Variants in FOXK1 observed in about 807,000 individuals in gnomAD.
The protein encoded by FOXK1 is forkhead box K1.
In FOXK1, 19 loss-of-function variants were observed where a neutral mutation model predicts 51.9. That is an observed-to-expected ratio of 0.37 (90% confidence interval 0.26 to 0.54). The LOEUF (loss-of-function observed/expected upper bound fraction) is 0.54, where lower values mean the gene tolerates loss of function less well. Ranked by LOEUF, FOXK1 falls within the 20% of genes least tolerant of loss-of-function variation. The pLI, the probability that FOXK1 is intolerant of heterozygous loss-of-function variation, is 0.87. For synonymous variants in FOXK1, 537 were observed against 482.6 expected (o/e 1.11, Z -1.48); for missense variants, 870 against 1,032.7 (o/e 0.84, Z 2.16).
chr7:4,738,116 C>G (rs112029737), intron 1 of FOXK1, among the ~76,000 whole-genome samples: 62 of 145,176 alleles, frequency 4.3e-4, no homozygotes, highest in African/African-American at 1.4e-3. Context: ...GAGCCAAACT[C>G]TGCCTCAAAA....
chr7:4,768,780 A>C lies in FOXK1; in HGVS notation c.*6316A>C, dbSNP rs1287723993. On this transcript the variant is annotated 3_prime_UTR_variant, in exon 9 of 9. Coordinates refer to ENST00000328914, the MANE Select transcript of FOXK1 (RefSeq NM_001037165.2). Reference sequence around the variant, plus strand: ...GAGTGGTGAGGAGGATTCGTCTCTGACTGATGAACCTCGCCGTGCCTGTCT... The same window carrying C: ...GAGTGGTGAGGAGGATTCGTCTCTGCCTGATGAACCTCGCCGTGCCTGTCT... The C allele has an allele frequency of 6.6e-6, 1 of 152,174 alleles. No individual in the cohort carries two copies. The highest frequency in any genetic ancestry group is 2.4e-5 in the African/African-American group (1 of 41,414). 9.4% of individuals were successfully genotyped at this position (152,174 alleles called of 1,614,324 possible).
chr7:4,736,604 G>A (rs1273559063), intron 1 of FOXK1, among the ~76,000 whole-genome samples: 1 of 151,920 alleles, frequency 6.6e-6, no homozygotes, highest in African/African-American at 2.4e-5. Context: ...AGTAGAGAGG[G>A]GGGTTTTGCC....
chr7:4,685,554 A>G (rs1427946418), intron 1 of FOXK1, among the ~76,000 whole-genome samples: 1 of 150,520 alleles, frequency 6.6e-6, no homozygotes, highest in Admixed American at 6.6e-5. Flanking sequence ...TAATTTTAGA[A>G]AACTTACACC....
chr7:4,728,550 G>A (rs1226387111), intron 1 of FOXK1, among the ~76,000 whole-genome samples: 1 of 152,070 alleles, frequency 6.6e-6, no homozygotes, highest in African/African-American at 2.4e-5. Flanking sequence ...TGGGAGCCAC[G>A]TGCTGTGGGG....
intron 1 of FOXK1, among the ~76,000 whole-genome samples, chr7:4,740,630 TA>T: frequency 6.6e-6 from 1 of 151,824 alleles, no homozygotes; most frequent in East Asian, 1.9e-4. Context: ...TAAAATAAAA[TA>T]AAGAAATAGA....
chr7:4,700,594 T>G (rs1780008787), intron 1 of FOXK1, among the ~76,000 whole-genome samples: 1 of 152,040 alleles, frequency 6.6e-6, no homozygotes, highest in South Asian at 2.1e-4. Context: ...GGTGGGAGGA[T>G]CGCTTGAAGC....
In FOXK1 at chr7:4,768,000, G is replaced by A. The variant is rs1583217059; in HGVS notation, c.*5536G>A. On this transcript the variant is annotated 3_prime_UTR_variant, in exon 9 of 9. Transcript: ENST00000328914. The surrounding 1 kb of genome is among the most constrained non-coding windows in gnomAD (Gnocchi z 6.6). The stretch of plus-strand genomic sequence containing the variant: ...TTAGAGCTGCTGCGTCCTTTCCTCT[G>A]TCCTCCCTGTCACCCAAACCCCGAA... 6.6e-6 allele frequency: 1 copy of A among 151,930 alleles called. No homozygotes were observed. The highest frequency in any genetic ancestry group is 2.4e-5 in the African/African-American group (1 of 41,440). The allele number at this position is 151,930 out of a possible 1,614,324, so 9.4% of individuals were successfully genotyped here.
chr7:4,766,386 C>G lies in FOXK1; in HGVS notation c.*3922C>G, dbSNP rs899246694. 5.3e-5 allele frequency: 8 copies of G among 152,318 alleles called. 1 individual carries two copies. In the East Asian group the frequency reaches 1.5e-3, roughly 29 times the overall value. 9.4% of individuals were successfully genotyped at this position (152,318 alleles called of 1,614,324 possible). A position where few individuals can be genotyped will look rare whatever the true frequency, so the allele number is the denominator to read the frequency against. On this transcript the variant is annotated 3_prime_UTR_variant, in exon 9 of 9. Coordinates refer to ENST00000328914, the MANE Select transcript of FOXK1 (RefSeq NM_001037165.2). The surrounding 1 kb of genome is among the most constrained non-coding windows in gnomAD (Gnocchi z 5.5). The stretch of plus-strand genomic sequence containing the variant: ...CCCTCCAGGCAGTGCTGGGAAGACA[C>G]TGGTGGCGGGGACCATGACCAGGCG...
intron 1 of FOXK1, among the ~76,000 whole-genome samples, chr7:4,732,732 A>C (rs1352983791): frequency 6.6e-6 from 1 of 152,232 alleles, no homozygotes; most frequent in East Asian, 1.9e-4. Flanking sequence ...CTGAGCTGCT[A>C]TTCACTGAGT....
At position 4,707,664 on chromosome 7, in the gene FOXK1, C is replaced by T. The variant is rs903070833; in HGVS notation, c.560+24796C>T. On this transcript the variant is annotated intron_variant, in intron 1 of 8. Coordinates refer to ENST00000328914, the MANE Select transcript of FOXK1 (RefSeq NM_001037165.2). This position sits in a 1 kb window ranked among gnomAD's most constrained non-coding sequence, Gnocchi z 4.1. The stretch of plus-strand genomic sequence containing the variant: ...CGGTGCCATTCGTATCTGATTCATG[C>T]GTGTGCGACCAGTACTCCATTTCAC... Among the ~76,000 whole-genome samples, 1 of 150,972 alleles carries T rather than the reference C, an allele frequency of 6.6e-6. No homozygotes were observed. The highest frequency in any genetic ancestry group is 1.5e-5 in the Non-Finnish European group (1 of 67,922).
rs575781678 is a variant in FOXK1, at chr7:4,751,075, C to T, written c.747-3384C>T. Among the ~76,000 whole-genome samples, 10 of 138,548 alleles carry T rather than the reference C, an allele frequency of 7.2e-5. 1 individual carries two copies. Among genetic ancestry groups the T allele is most frequent in the Middle Eastern group, 4.5e-3 (1 of 220 alleles). The allele number at this position is 138,548 out of a possible 152,430, so 90.9% of individuals were successfully genotyped here. A position where few individuals can be genotyped will look rare whatever the true frequency, so the allele number is the denominator to read the frequency against. ...TGTCGCCCAGGCTGGAGTGCAGTGG[C>T]GCAATCTCGACTCACTGCAAACTCC... On this transcript the variant is annotated intron_variant, in intron 2 of 8. Transcript: ENST00000328914.
chr7:4,699,003 C>T (rs1779986147), intron 1 of FOXK1, among the ~76,000 whole-genome samples: 1 of 152,182 alleles, frequency 6.6e-6, no homozygotes, highest in Non-Finnish European at 1.5e-5. Flanking sequence ...ACCATTTTTG[C>T]CATTTGTCCC....
At chr7:4,721,705 G>A (rs182342638) in intron 1 of FOXK1, among the ~76,000 whole-genome samples, 12 of 146,956 alleles carry the variant, frequency 8.2e-5, no homozygotes, top group East Asian at 2.0e-4. Flanking sequence ...GTTCTTCTGC[G>A]TCAGCCTCCC....
chr7:4,702,117 T>C (rs1780028370), intron 1 of FOXK1, among the ~76,000 whole-genome samples: 1 of 152,060 alleles, frequency 6.6e-6, no homozygotes, highest in African/African-American at 2.4e-5. Flanking sequence ...CCAAATCGTA[T>C]TGTACCCACT....
At chr7:4,718,578 A>G (rs1275671420) in intron 1 of FOXK1, among the ~76,000 whole-genome samples, 1 of 152,178 alleles carries the variant, frequency 6.6e-6, no homozygotes, top group East Asian at 1.9e-4. Context: ...TTAGGTTTTG[A>G]GCGGACCTAG....
intron 1 of FOXK1, among the ~76,000 whole-genome samples, chr7:4,702,113 C>T (rs1187167163): frequency 2.0e-5 from 3 of 152,012 alleles, no homozygotes; most frequent in Non-Finnish European, 4.4e-5. Flanking sequence ...AAAACCAAAT[C>T]GTATTGTACC....
intron 1 of FOXK1, among the ~76,000 whole-genome samples, chr7:4,688,071 A>T (rs1336426908): frequency 6.6e-6 from 1 of 152,088 alleles, no homozygotes; most frequent in Non-Finnish European, 1.5e-5. Context: ...GACAATTTCA[A>T]ACATAGACAT....
At chr7:4,706,346 A>T (rs1445981507) in intron 1 of FOXK1, among the ~76,000 whole-genome samples, 1 of 151,908 alleles carries the variant, frequency 6.6e-6, no homozygotes, top group Non-Finnish European at 1.5e-5. Flanking sequence ...TAAGTGGGTA[A>T]AGTGCTCTGG....
At position 4,761,357 on chromosome 7, in the gene FOXK1, G is replaced by C. The variant is rs1447816388; in HGVS notation, c.1921+69G>C. ...TGGCTCCCAGTAGTCAGTGCGGCAT[G>C]AGAATGTTCTCCCAGTATCTCCCGA... On this transcript the variant is annotated intron_variant, in intron 8 of 8. Transcript: ENST00000328914. This position sits in a 1 kb window ranked among gnomAD's most constrained non-coding sequence, Gnocchi z 6.2. The C allele has an allele frequency of 6.9e-6, 10 of 1,440,734 alleles. No homozygotes were observed. In the Admixed American group the frequency reaches 9.5e-5, roughly 14 times the overall value. The allele number at this position is 1,440,734 out of a possible 1,614,324, so 89.2% of individuals were successfully genotyped here.
Sources: allele counts gnomAD v4.1 joint callset (sites outside exome capture counted in the v4.1 genomes callset), GRCh38; gene constraint gnomAD v4.1.1; non-coding constraint Gnocchi (gnomAD v3.1); transcripts MANE v1.5; gene names NCBI Gene and HGNC (gene_info 2026-07-23, HGNC 2026-07-21).